PPP3CB: variants seen among roughly 807,000 people sequenced by gnomAD.
PPP3CB encodes protein phosphatase 3 catalytic subunit beta, also known as serine/threonine-protein phosphatase 2B catalytic subunit beta isoform.
A neutral mutation model predicts 66.4 loss-of-function variants in PPP3CB; 8 were observed. The observed-to-expected ratio is 0.12, with a 90% CI of 0.07 to 0.22. The LOEUF is 0.22. Among genes scored for constraint, PPP3CB ranks in the 10% least tolerant of loss-of-function variants. The pLI, the probability that PPP3CB is intolerant of heterozygous loss-of-function variation, is 1.00. For synonymous variants in PPP3CB, 208 were observed against 221.2 expected (o/e 0.94, Z 0.53); for missense variants, 319 against 642.5 (o/e 0.50, Z 5.44).
At chr10:73,451,646 T>C (rs2056345901) in intron 10 of PPP3CB, among the ~76,000 whole-genome samples, 1 of 151,632 alleles carries the variant, frequency 6.6e-6, no homozygotes, top group Non-Finnish European at 1.5e-5. Flanking sequence ...CTCATGCCTG[T>C]AATCCCAGCG....
intron 12 of PPP3CB, chr10:73,444,327 A>G (rs1458422093): frequency 2.3e-6 from 1 of 435,284 alleles, no homozygotes; most frequent in Admixed American, 4.1e-5. Flanking sequence ...AATTTAAAAA[A>G]TTAAAAAAGA....
At chr10:73,478,706 G>T in intron 2 of PPP3CB, 83 bp from the exon 3 acceptor site, 1 of 1,217,248 alleles carries the variant, frequency 8.2e-7, no homozygotes, top group Non-Finnish European at 1.2e-6. Flanking sequence ...TTTTACATAA[G>T]ACATAGTACA....
In PPP3CB at chr10:73,475,045, T is replaced by G; in HGVS notation, c.412-15A>C. 8.1e-6 allele frequency: 13 copies of G among 1,606,422 alleles called. No individual in the cohort carries two copies. The highest frequency in any genetic ancestry group is 1.1e-5 in the Non-Finnish European group (13 of 1,177,504). ...TATAAGACACACTGCAAAAGAAAAT[T>G]TTTCTAGTGAATTTATCTTGTACTT... On this transcript the variant is annotated splice_polypyrimidine_tract_variant and intron_variant, in intron 3 of 13. Transcript: ENST00000360663.
intron 9 of PPP3CB, among the ~76,000 whole-genome samples, chr10:73,459,778 G>A (rs2056490885): frequency 6.6e-6 from 1 of 152,322 alleles, no homozygotes; most frequent in East Asian, 1.9e-4. Flanking sequence ...CAGCAGATTG[G>A]TGGTTACCTA....
rs528238766 is a variant in PPP3CB at position 73,491,022 on chromosome 10, GTTTTTTT to G, written c.85+4776_85+4782del. ...TAATTTTTGTTTGTTTGTTTTTATT[GTTTTTTT>G]TTTTTTTTTTTTTTTTTTTTTTTGA... On this transcript the variant is annotated intron_variant, in intron 1 of 13. Transcript: ENST00000360663. 1.9e-3 allele frequency among the ~76,000 whole-genome samples: 78 copies of G among 40,888 alleles called. 1 individual carries two copies. The highest frequency in any genetic ancestry group is 2.2e-3 in the Admixed American group (6 of 2,728). The allele number at this position is 40,888 out of a possible 152,430, so 26.8% of individuals were successfully genotyped here. A position where few individuals can be genotyped will look rare whatever the true frequency, so the allele number is the denominator to read the frequency against.
chr10:73,478,862 T>C (rs2056830474), intron 2 of PPP3CB, among the ~76,000 whole-genome samples: 1 of 152,200 alleles, frequency 6.6e-6, no homozygotes, highest in African/African-American at 2.4e-5. Flanking sequence ...AACTGAAATC[T>C]ACATTTATAA....
chr10:73,447,044 T>G (rs1000981520), intron 10 of PPP3CB, among the ~76,000 whole-genome samples: 5 of 152,204 alleles, frequency 3.3e-5, no homozygotes, highest in Non-Finnish European at 7.4e-5. Context: ...GCTGACAATA[T>G]CCCATCAGAC....
intron 8 of PPP3CB, among the ~76,000 whole-genome samples, chr10:73,470,155 A>C (rs1340585619): frequency 6.6e-6 from 1 of 152,228 alleles, no homozygotes; most frequent in Non-Finnish European, 1.5e-5. Flanking sequence ...AAAGAGAAGA[A>C]TGTATCCCTC....
intron 1 of PPP3CB, among the ~76,000 whole-genome samples, chr10:73,490,402 A>G (rs1224354313): frequency 6.6e-6 from 1 of 152,222 alleles, no homozygotes; most frequent in Non-Finnish European, 1.5e-5. Context: ...GTTCTCCTAC[A>G]GTTTTGTGAT....
chr10:73,438,446 T>A, intron 13 of PPP3CB, 26 bp from the exon 14 acceptor site: 7 of 1,546,266 alleles, frequency 4.5e-6, no homozygotes, highest in Non-Finnish European at 6.2e-6. Flanking sequence ...ATTTGATAAG[T>A]CAGTAATTGA....
intron 10 of PPP3CB, chr10:73,448,628 A>C (rs746611386): frequency 3.8e-6 from 2 of 533,162 alleles, no homozygotes; most frequent in South Asian, 2.8e-5. Context: ...TTATGAAGTC[A>C]TATTTCAAAA....
At chr10:73,443,471 T>C (rs943686632) in intron 12 of PPP3CB, among the ~76,000 whole-genome samples, 1 of 152,148 alleles carries the variant, frequency 6.6e-6, no homozygotes, top group African/African-American at 2.4e-5. Flanking sequence ...AAGTCACTAA[T>C]TACAACACCA....
chr10:73,475,663 G>A (rs144310750), intron 3 of PPP3CB, among the ~76,000 whole-genome samples: 24 of 152,142 alleles, frequency 1.6e-4, no homozygotes, highest in African/African-American at 5.8e-4. Context: ...TATGGTAAGT[G>A]CTTATTATCT....
At position 73,460,739 on chromosome 10, in the gene PPP3CB, G is replaced by C. The variant is rs1161528733; in HGVS notation, c.1109-6250C>G. 2.0e-5 allele frequency among the ~76,000 whole-genome samples: 3 copies of C among 152,244 alleles called. No individual in the cohort carries two copies. The East Asian group carries it at 5.8e-4, about 29-fold the overall frequency. On this transcript the variant is annotated intron_variant, in intron 9 of 13. Coordinates refer to ENST00000360663, the MANE Select transcript of PPP3CB (RefSeq NM_021132.4). The stretch of plus-strand genomic sequence containing the variant: ...GAATAGTTTTGGGGGTCAGGGAGGA[G>C]CCCATTGACCAGAACAGCCTCAGGA...
intron 9 of PPP3CB, among the ~76,000 whole-genome samples, chr10:73,462,991 C>T (rs1460077718): frequency 8.1e-6 from 1 of 123,436 alleles, no homozygotes; most frequent in Admixed American, 8.6e-5. Flanking sequence ...AAGAAAATGA[C>T]ATACTGAAAG....
intron 8 of PPP3CB, among the ~76,000 whole-genome samples, chr10:73,468,248 A>G (rs1354432682): frequency 2.0e-5 from 3 of 152,064 alleles, no homozygotes; most frequent in African/African-American, 7.2e-5. Flanking sequence ...CTTTGTTTAG[A>G]AAAAAAATCC....
In PPP3CB at chr10:73,437,422, TAC is replaced by T. The variant is rs1266511354; in HGVS notation, c.*818_*819del. The T allele has an allele frequency of 2.0e-5, 3 of 152,630 alleles. No homozygotes were observed. The East Asian group carries it at 5.8e-4, about 29-fold the overall frequency. The allele number at this position is 152,630 out of a possible 1,614,324, so 9.5% of individuals were successfully genotyped here. A position where few individuals can be genotyped will look rare whatever the true frequency, so the allele number is the denominator to read the frequency against. ...AAAATGAAAACATGCATACACAAAA[TAC>T]GTCAAGTTTTACAGACATGATTTGA... On this transcript the variant is annotated 3_prime_UTR_variant, in exon 14 of 14. Transcript: ENST00000360663.
intron 10 of PPP3CB, 124 bp from the exon 11 acceptor site, chr10:73,446,697 G>T: frequency 1.2e-6 from 1 of 837,880 alleles, no homozygotes; most frequent in Non-Finnish European, 2.0e-6. Context: ...CAGCTTACAT[G>T]GAGGGGACTA....
At chr10:73,444,573 A>T (rs1448153664) in intron 12 of PPP3CB, 152 bp downstream of exon 12, 1 of 1,549,898 alleles carries the variant, frequency 6.5e-7, no homozygotes, top group Admixed American at 2.0e-5. Flanking sequence ...TTAATGAGAC[A>T]CTAGCTAATA....
Sources: gnomAD v4.1 joint callset for allele counts (sites outside exome capture counted in the v4.1 genomes callset) on GRCh38, gnomAD v4.1.1 for gene constraint, MANE v1.5 for transcripts, NCBI Gene and HGNC (gene_info 2026-07-23, HGNC 2026-07-21) for gene names.